The following DMD variants were observed in gnomAD, a reference collection of about 807,000 sequenced individuals.
DMD encodes the protein dystrophin, also known as mutant dystrophin.
DMD carries 63 observed loss-of-function variants against 330.1 expected under a neutral mutation model. That is an observed-to-expected ratio of 0.19 (90% CI 0.16 to 0.24). DMD has a LOEUF of 0.24. DMD is among the 10% of genes least tolerant of loss of function. The pLI is 1.00. For missense variants in DMD, 3,344 were observed against 2,684.1 expected (o/e 1.25, Z -5.43); for synonymous variants, 1,223 against 959.8 (o/e 1.27, Z -5.07).
intron 56 of DMD, among the ~76,000 whole-genome samples, chrX:31,503,117 A>G (rs1393245584): frequency 1.8e-5 from 2 of 112,208 alleles, no homozygotes; most frequent in African/African-American, 6.5e-5. Flanking sequence ...TTAAATTATG[A>G]GATAGGATTA....
intron 1 of DMD, among the ~76,000 whole-genome samples, chrX:33,191,467 A>T (rs750997189): frequency 9.1e-6 from 1 of 110,089 alleles, no homozygotes; most frequent in South Asian, 3.9e-4. Flanking sequence ...TCTGTCACCT[A>T]GGCTGGAGTG....
At chrX:32,656,411 GAAGT>G (rs1035511518) in intron 9 of DMD, among the ~76,000 whole-genome samples, 1 of 111,671 alleles carries the variant, frequency 9.0e-6, no homozygotes, top group Non-Finnish European at 1.9e-5. Flanking sequence ...ACATTTAAGA[GAAGT>G]AAGTCTGAAA....
At chrX:31,339,183 A>C (rs2057582947) in intron 61 of DMD, among the ~76,000 whole-genome samples, 1 of 111,450 alleles carries the variant, frequency 9.0e-6, no homozygotes, top group Admixed American at 9.6e-5. Flanking sequence ...AATTGATGGG[A>C]TATATAGGGC....
chrX:32,088,500 T>TA (rs35808590), intron 44 of DMD, among the ~76,000 whole-genome samples: 81 of 87,295 alleles, frequency 9.3e-4, no homozygotes, highest in South Asian at 8.1e-3. Context: ...AAGCGATGAC[T>TA]AAAAAAAAAA....
chrX:31,830,108 T>C (rs1201449649), intron 49 of DMD, among the ~76,000 whole-genome samples: 2 of 112,414 alleles, frequency 1.8e-5, no homozygotes, highest in African/African-American at 3.2e-5. Context: ...CTTACATAAG[T>C]ATTCTGACAG....
At chrX:32,188,321 C>T (rs1474895465) in intron 44 of DMD, among the ~76,000 whole-genome samples, 7 of 107,915 alleles carry the variant, frequency 6.5e-5, no homozygotes, top group African/African-American at 2.3e-4. Flanking sequence ...ATTCAGTCTG[C>T]CAATTTTATG....
At chrX:32,638,782 G>A (rs756940830) in intron 11 of DMD, among the ~76,000 whole-genome samples, 3 of 111,001 alleles carry the variant, frequency 2.7e-5, no homozygotes, top group African/African-American at 6.5e-5. Flanking sequence ...ATTCACATAC[G>A]CAAACTTCAC....
At chrX:33,145,079 C>T (rs940680187) in intron 1 of DMD, among the ~76,000 whole-genome samples, 3 of 111,867 alleles carry the variant, frequency 2.7e-5, no homozygotes, top group Admixed American at 9.5e-5. Context: ...ATACCAACCA[C>T]GAGTGAGATA....
At position 32,808,387 on chromosome X, in the gene DMD, G is replaced by C. The variant is rs779302872; in HGVS notation, c.649+1106C>G. Among the ~76,000 whole-genome samples the C allele has an allele frequency of 2.7e-5, 3 of 111,844 alleles. No homozygotes were observed. In the South Asian group the frequency reaches 1.1e-3, roughly 41 times the overall value. On this transcript the variant is annotated intron_variant, in intron 7 of 78. Coordinates refer to ENST00000357033, the MANE Select transcript of DMD (RefSeq NM_004006.3). ...ATTGTATGTGAATATTCTGCTGCTT[G>C]TTATATCTCATTTAAGATTACTGAA...
At chrX:32,626,766 A>C (rs778236833) in intron 11 of DMD, among the ~76,000 whole-genome samples, 1 of 104,145 alleles carries the variant, frequency 9.6e-6, no homozygotes, top group Admixed American at 1.0e-4. Flanking sequence ...CCTATGTATC[A>C]AACCTGCGAG....
At chrX:31,857,029 T>A (rs1455694119) in intron 48 of DMD, among the ~76,000 whole-genome samples, 3 of 111,539 alleles carry the variant, frequency 2.7e-5, no homozygotes, top group Admixed American at 9.6e-5. Context: ...TATACATTAT[T>A]GTGAGTGCTT....
At chrX:32,642,457 T>C (rs2059529617) in intron 11 of DMD, among the ~76,000 whole-genome samples, 1 of 111,888 alleles carries the variant, frequency 8.9e-6, no homozygotes, top group Non-Finnish European at 1.9e-5. Context: ...AGCTAGGTGG[T>C]AATACTGCCA....
rs372260402 is a variant in DMD at position 32,660,241 on chromosome X, T to TA, written c.961-15090dup. ...TAACATTACTTCTCATATTTTCAAG[T>TA]AAAAAAAAAACTCAAAATCAGGGTG... On this transcript the variant is annotated intron_variant, in intron 9 of 78. Transcript: ENST00000357033. 8.8e-3 allele frequency among the ~76,000 whole-genome samples: 931 copies of TA among 106,239 alleles called. 8 individuals carry two copies. The highest frequency in any genetic ancestry group is 0.014 in the Non-Finnish European group (697 of 51,003). 92.3% of individuals were successfully genotyped at this position (106,239 alleles called of 115,157 possible).
chrX:32,653,766 A>T (rs192656932), intron 9 of DMD, among the ~76,000 whole-genome samples: 3 of 111,571 alleles, frequency 2.7e-5, no homozygotes, highest in African/African-American at 9.8e-5. Context: ...CCATTTTCAC[A>T]ATATTGATTC....
intron 30 of DMD, among the ~76,000 whole-genome samples, chrX:32,398,676 G>A (rs1603632527): frequency 9.0e-6 from 1 of 111,068 alleles, no homozygotes; most frequent in African/African-American, 3.3e-5. Flanking sequence ...AACGATAATA[G>A]AAGAGTTCAT....
chrX:32,669,410 C>G, intron 9 of DMD, among the ~76,000 whole-genome samples: 1 of 111,596 alleles, frequency 9.0e-6, no homozygotes, highest in Non-Finnish European at 1.9e-5. Context: ...CCTAAGGAAA[C>G]TCTTAAATCG....
At chrX:32,636,982 G>A (rs1021118167) in intron 11 of DMD, among the ~76,000 whole-genome samples, 2 of 109,140 alleles carry the variant, frequency 1.8e-5, no homozygotes, top group East Asian at 2.8e-4. Flanking sequence ...TGGGAGACAG[G>A]GAGACTCTGT....
At chrX:31,817,280 A>T (rs971227525) in intron 50 of DMD, among the ~76,000 whole-genome samples, 1 of 112,037 alleles carries the variant, frequency 8.9e-6, no homozygotes, top group Non-Finnish European at 1.9e-5. Context: ...AATAATAAAC[A>T]TATACAAGAA....
intron 57 of DMD, among the ~76,000 whole-genome samples, chrX:31,494,309 T>C (rs61249216): frequency 0.039 from 4,347 of 110,924 alleles, 167 homozygotes; most frequent in African/African-American, 0.11. Context: ...AGCTAGAGTT[T>C]TGGAGTTTTG....
Sources: allele counts gnomAD v4.1 joint callset (sites outside exome capture counted in the v4.1 genomes callset), GRCh38; gene constraint gnomAD v4.1.1; transcripts MANE v1.5; gene names NCBI Gene and HGNC (gene_info 2026-07-23, HGNC 2026-07-21).